The following LRP1B variants were observed in gnomAD, a reference collection of about 807,000 sequenced individuals.
LRP1B encodes LDL receptor related protein 1B.
In LRP1B, 217 loss-of-function variants were observed where a neutral mutation model predicts 556.6. That is an observed-to-expected ratio of 0.39 (90% CI 0.35 to 0.44). The LOEUF (loss-of-function observed/expected upper bound fraction) is 0.44, where lower values mean the gene tolerates loss of function less well. LRP1B is among the 20% of genes least tolerant of loss of function. The pLI is 1.00. For missense variants in LRP1B, 5,053 were observed against 5,620.8 expected (o/e 0.90, Z 3.23); for synonymous variants, 2,047 against 1,865.8 (o/e 1.10, Z -2.50).
chr2:141,812,078 C>A (rs1476364690), intron 1 of LRP1B, among the ~76,000 whole-genome samples: 2 of 151,996 alleles, frequency 1.3e-5, no homozygotes, highest in African/African-American at 2.4e-5. Context: ...ATGGAAATGG[C>A]ATTCAGGTTA....
At chr2:140,716,313 C>A (rs1392961907) in intron 36 of LRP1B, among the ~76,000 whole-genome samples, 1 of 151,994 alleles carries the variant, frequency 6.6e-6, no homozygotes, top group East Asian at 1.9e-4. Context: ...CTGGTTTAAA[C>A]CATATAATGA....
intron 1 of LRP1B, among the ~76,000 whole-genome samples, chr2:141,870,576 T>G (rs996091195): frequency 6.6e-6 from 1 of 152,022 alleles, no homozygotes. Context: ...AATATATGAA[T>G]GTAGAATAGA....
At chr2:140,515,904 C>G (rs895681635) in intron 50 of LRP1B, among the ~76,000 whole-genome samples, 8 of 152,150 alleles carry the variant, frequency 5.3e-5, no homozygotes, top group South Asian at 2.1e-4. Context: ...TCTACTCTAT[C>G]TATTCACCAC....
rs139388494 is a variant in LRP1B, at chr2:141,934,364, A to T, written c.83-123963T>A. On this transcript the variant is annotated intron_variant, in intron 1 of 90. Transcript: ENST00000389484. The stretch of plus-strand genomic sequence containing the variant: ...AGAAATGTTTTAAAAAATGACTGAG[A>T]ATTTTTTATAATTGATGAAAAACAT... 2.7e-3 allele frequency among the ~76,000 whole-genome samples: 412 copies of T among 152,300 alleles called. 1 individual carries two copies. The highest frequency in any genetic ancestry group is 9.2e-3 in the African/African-American group (381 of 41,570).
chr2:141,752,970 G>A (rs997052564), intron 2 of LRP1B, among the ~76,000 whole-genome samples: 1 of 48,350 alleles, frequency 2.1e-5, no homozygotes, highest in Non-Finnish European at 5.0e-5. Flanking sequence ...AATTATGCTG[G>A]GTGCGGTGGC....
intron 84 of LRP1B, among the ~76,000 whole-genome samples, chr2:140,275,001 A>G (rs565488204): frequency 6.6e-6 from 1 of 152,128 alleles, no homozygotes; most frequent in East Asian, 1.9e-4. Context: ...TAGAGAACAG[A>G]GTAATGTTTG....
At chr2:141,876,927 C>T (rs1698785132) in intron 1 of LRP1B, among the ~76,000 whole-genome samples, 1 of 151,828 alleles carries the variant, frequency 6.6e-6, no homozygotes, top group Non-Finnish European at 1.5e-5. Flanking sequence ...TTGAATCAAT[C>T]TAAAGAACCC....
chr2:141,447,722 GC>G (rs1681250071), intron 3 of LRP1B, among the ~76,000 whole-genome samples: 1 of 152,158 alleles, frequency 6.6e-6, no homozygotes. Context: ...GACCCTGTTT[GC>G]CTGGTTATCA....
intron 2 of LRP1B, among the ~76,000 whole-genome samples, chr2:141,483,096 A>C (rs12993073): frequency 7.0e-6 from 1 of 142,398 alleles, no homozygotes; most frequent in Non-Finnish European, 1.5e-5. Flanking sequence ...TGTATCTCCT[A>C]ATGCTATCCC....
chr2:140,283,625 T>G (rs1268535109), intron 84 of LRP1B, among the ~76,000 whole-genome samples: 3 of 151,700 alleles, frequency 2.0e-5, no homozygotes, highest in African/African-American at 4.8e-5. Flanking sequence ...AAAATTTGAT[T>G]TGAGTGAGTG....
chr2:141,542,423 G>GA, intron 2 of LRP1B, among the ~76,000 whole-genome samples: 1 of 152,036 alleles, frequency 6.6e-6, no homozygotes, highest in East Asian at 1.9e-4. Context: ...TATTTAACAT[G>GA]AGATTGTATG....
intron 1 of LRP1B, among the ~76,000 whole-genome samples, chr2:141,993,934 A>G (rs562012430): frequency 2.0e-5 from 3 of 151,958 alleles, no homozygotes; most frequent in Non-Finnish European, 2.9e-5. Context: ...CTTTGTCCTC[A>G]TCTTCTACCT....
At chr2:140,493,873 C>A (rs1005217420) in intron 56 of LRP1B, among the ~76,000 whole-genome samples, 6 of 152,052 alleles carry the variant, frequency 3.9e-5, no homozygotes, top group African/African-American at 1.2e-4. Flanking sequence ...TTGATGGGAT[C>A]CCAAATTAGT....
intron 85 of LRP1B, among the ~76,000 whole-genome samples, chr2:140,272,492 C>CTG (rs1446695498): frequency 6.6e-5 from 10 of 152,002 alleles, no homozygotes; most frequent in African/African-American, 2.4e-4. Flanking sequence ...ATTATACTCA[C>CTG]TGTACTTGAT....
intron 17 of LRP1B, among the ~76,000 whole-genome samples, chr2:140,988,708 C>G (rs1462327900): frequency 6.6e-6 from 1 of 152,054 alleles, no homozygotes; most frequent in Admixed American, 6.6e-5. Flanking sequence ...ATTTATAACA[C>G]TTGTTATTGA....
At chr2:140,446,798 C>G (rs1188562463) in intron 63 of LRP1B, among the ~76,000 whole-genome samples, 2 of 151,930 alleles carry the variant, frequency 1.3e-5, no homozygotes, top group African/African-American at 4.8e-5. Context: ...TCCAAAAACA[C>G]AGGCAACAAA....
chr2:141,944,944 A>T (rs1700911197), intron 1 of LRP1B, among the ~76,000 whole-genome samples: 1 of 152,122 alleles, frequency 6.6e-6, no homozygotes, highest in South Asian at 2.1e-4. Context: ...AATAAGTGTA[A>T]ATCTTTGAAA....
intron 84 of LRP1B, among the ~76,000 whole-genome samples, chr2:140,292,604 T>C (rs1683433456): frequency 6.6e-6 from 1 of 152,192 alleles, no homozygotes; most frequent in Admixed American, 6.5e-5. Flanking sequence ...TTCTAAAGGC[T>C]AAACTCTGTG....
chr2:141,970,451 G>A (rs1701695790), intron 1 of LRP1B, among the ~76,000 whole-genome samples: 1 of 151,448 alleles, frequency 6.6e-6, no homozygotes, highest in Non-Finnish European at 1.5e-5. Flanking sequence ...CCATTTACCT[G>A]CTTATACTAA....
Sources: allele counts gnomAD v4.1 joint callset (sites outside exome capture counted in the v4.1 genomes callset), GRCh38; gene constraint gnomAD v4.1.1; transcripts MANE v1.5; gene names NCBI Gene and HGNC (gene_info 2026-07-23, HGNC 2026-07-21).